The following EYS variants were observed in gnomAD, a reference collection of about 807,000 sequenced individuals.
EYS encodes EGF-like photoreceptor maintenance factor, also known as protein eyes shut homolog.
In EYS, 250 loss-of-function variants were observed where a neutral mutation model predicts 282.1. The ratio of observed to expected loss-of-function variants is 0.89; its 90% CI spans 0.80 to 0.98. The LOEUF is 0.98. Among genes scored for constraint, EYS ranks in the 50% least tolerant of loss-of-function variants. The probability of loss-of-function intolerance (pLI) is 0.00; values close to 1 mark genes in which losing one functional copy is unlikely to be tolerated. For synonymous variants in EYS, 1,355 were observed against 1,282.9 expected (o/e 1.06, Z -1.20); for missense variants, 4,016 against 3,709.0 (o/e 1.08, Z -2.15).
intron 12 of EYS, among the ~76,000 whole-genome samples, chr6:65,289,030 C>A (rs1768449210): frequency 6.7e-6 from 1 of 150,266 alleles, no homozygotes; most frequent in Admixed American, 6.6e-5. Context: ...ATGGATGAAA[C>A]AAATAAAAAA....
chr6:64,203,832 A>T (rs1732778405), intron 31 of EYS, among the ~76,000 whole-genome samples: 1 of 152,224 alleles, frequency 6.6e-6, no homozygotes, highest in Admixed American at 6.5e-5. Flanking sequence ...TGATGAGTAA[A>T]TTTATGTACG....
rs556121357 is a variant in EYS, at chr6:65,330,393, C to T, written c.1766+4587G>A. The T allele has an allele frequency of 4.1e-6, 4 of 984,500 alleles. No homozygotes were observed. In the East Asian group the frequency reaches 4.6e-4, roughly 112 times the overall value. The allele number at this position is 984,500 out of a possible 1,614,324, so 61.0% of individuals were successfully genotyped here. The stretch of plus-strand genomic sequence containing the variant: ...GTGGGAGTCATGAACACTTCACAGT[C>T]TGGGCATGGTATTAAGAAATTAACA... On this transcript the variant is annotated intron_variant, in intron 11 of 42. Coordinates refer to ENST00000503581, the MANE Select transcript of EYS (RefSeq NM_001142800.2).
At chr6:64,784,508 T>C (rs1205300902) in intron 22 of EYS, among the ~76,000 whole-genome samples, 1 of 152,212 alleles carries the variant, frequency 6.6e-6, no homozygotes. Flanking sequence ...ATTTAAGATT[T>C]CTGAGGGCAG....
chr6:63,812,848 T>A (rs927643309), intron 36 of EYS, among the ~76,000 whole-genome samples: 1 of 152,198 alleles, frequency 6.6e-6, no homozygotes, highest in Non-Finnish European at 1.5e-5. Context: ...AGTCCTTTCC[T>A]CTAAAAAATG....
In EYS at chr6:63,763,870, TTATATATATATA is replaced by T. The variant is rs55668347; in HGVS notation, c.7899-1249_7899-1238del. Among the ~76,000 whole-genome samples, 202 of 129,666 alleles carry T rather than the reference TTATATATATATA, an allele frequency of 1.6e-3. 1 individual carries two copies. Among genetic ancestry groups the T allele is most frequent in the African/African-American group, 5.2e-3 (185 of 35,262 alleles). The allele number at this position is 129,666 out of a possible 152,430, so 85.1% of individuals were successfully genotyped here. On this transcript the variant is annotated intron_variant, in intron 40 of 42. Transcript: ENST00000503581. ...TTTGAGATTTTATTGTTATATCTTGTTATATATATATATATATATATATATATATATTTGATA... is the reference window on the plus strand; with the variant it reads ...TTTGAGATTTTATTGTTATATCTTGTTATATATATATATATATATTTGATA...
At chr6:65,018,384 T>C (rs1481186075) in intron 13 of EYS, among the ~76,000 whole-genome samples, 1 of 152,214 alleles carries the variant, frequency 6.6e-6, no homozygotes, top group African/African-American at 2.4e-5. Context: ...TGCATCACCC[T>C]GATCTCTACC....
At chr6:64,907,008 G>T (rs978332440) in intron 16 of EYS, among the ~76,000 whole-genome samples, 7 of 151,964 alleles carry the variant, frequency 4.6e-5, no homozygotes, top group African/African-American at 1.7e-4. Flanking sequence ...ATTTGAAGTC[G>T]TCTTTACCTT....
chr6:65,313,077 C>T (rs989176956), intron 11 of EYS, among the ~76,000 whole-genome samples: 5 of 152,144 alleles, frequency 3.3e-5, no homozygotes, highest in Admixed American at 6.5e-5. Flanking sequence ...TTTCCTCACA[C>T]CTCTTAAAGA....
chr6:63,908,166 A>G (rs1292868067), intron 35 of EYS, among the ~76,000 whole-genome samples: 1 of 151,502 alleles, frequency 6.6e-6, no homozygotes, highest in African/African-American at 2.4e-5. Context: ...TAGTGCTGTG[A>G]TAAACATACA....
intron 33 of EYS, among the ~76,000 whole-genome samples, chr6:64,056,651 AATGTTCCTTTGGT>A (rs1376171277): frequency 6.6e-6 from 1 of 152,146 alleles, no homozygotes; most frequent in Non-Finnish European, 1.5e-5. Flanking sequence ...CAAACAGGAG[AATGTTCCTTTGGT>A]ATTTTATTCC....
chr6:65,618,216 T>A (rs1201792877), intron 2 of EYS, among the ~76,000 whole-genome samples: 18 of 152,346 alleles, frequency 1.2e-4, no homozygotes, highest in Admixed American at 9.2e-4. Flanking sequence ...CAGCACCTGT[T>A]GTTTCCTGAA....
chr6:64,301,797 A>G (rs932226341), intron 30 of EYS, among the ~76,000 whole-genome samples: 1 of 152,176 alleles, frequency 6.6e-6, no homozygotes, highest in Non-Finnish European at 1.5e-5. Flanking sequence ...TAACGCTTTA[A>G]CACTGTTTAC....
intron 2 of EYS, among the ~76,000 whole-genome samples, chr6:65,506,747 C>T (rs886331488): frequency 6.6e-6 from 1 of 151,908 alleles, no homozygotes; most frequent in South Asian, 2.1e-4. Flanking sequence ...GCTGGGATTA[C>T]AGGCATGAGC....
chr6:65,193,670 C>G (rs988641591), intron 12 of EYS, among the ~76,000 whole-genome samples: 1 of 151,234 alleles, frequency 6.6e-6, no homozygotes, highest in Non-Finnish European at 1.5e-5. Context: ...AAATTTAGAG[C>G]TTCGTAAGGA....
chr6:64,176,506 T>C (rs540625868), intron 31 of EYS, among the ~76,000 whole-genome samples: 2 of 151,900 alleles, frequency 1.3e-5, no homozygotes, highest in South Asian at 4.2e-4. Context: ...CGATTGTGTG[T>C]GTGTGTGTGT....
chr6:64,267,525 A>G (rs1767802216), intron 30 of EYS, among the ~76,000 whole-genome samples: 2 of 152,094 alleles, frequency 1.3e-5, no homozygotes, highest in Non-Finnish European at 2.9e-5. Context: ...CTAACAGCAA[A>G]ATGAATTCCA....
intron 14 of EYS, among the ~76,000 whole-genome samples, chr6:64,954,027 G>T (rs1239655318): frequency 6.6e-6 from 1 of 151,512 alleles, no homozygotes; most frequent in Non-Finnish European, 1.5e-5. Flanking sequence ...AAAGCAAATG[G>T]TCATTTTAGT....
At chr6:64,646,966 G>A (rs1227851310) in intron 22 of EYS, among the ~76,000 whole-genome samples, 16 of 151,972 alleles carry the variant, frequency 1.1e-4, no homozygotes, top group Non-Finnish European at 2.4e-4. Flanking sequence ...TTTTAATAAA[G>A]GTGAAGAAAG....
chr6:64,225,025 A>T (rs749210067), intron 31 of EYS, among the ~76,000 whole-genome samples: 1 of 151,960 alleles, frequency 6.6e-6, no homozygotes, highest in Non-Finnish European at 1.5e-5. Flanking sequence ...GTCTCCTGGG[A>T]CTCTGAATCT....
Sources: allele counts gnomAD v4.1 joint callset (sites outside exome capture counted in the v4.1 genomes callset), GRCh38; gene constraint gnomAD v4.1.1; transcripts MANE v1.5; gene names NCBI Gene and HGNC (gene_info 2026-07-23, HGNC 2026-07-21).